Variants in SYN3 observed in about 807,000 individuals in gnomAD.
SYN3 encodes the protein synapsin III, also known as synapsin-3.
In SYN3, 35 loss-of-function variants were observed where a neutral mutation model predicts 65.8. The ratio of observed to expected loss-of-function variants is 0.53; its 90% CI spans 0.41 to 0.70. The LOEUF is 0.70. Among genes scored for constraint, SYN3 ranks in the 30% least tolerant of loss-of-function variants. The probability of loss-of-function intolerance (pLI) is 0.00; values close to 1 mark genes in which losing one functional copy is unlikely to be tolerated. For missense variants in SYN3, 680 were observed against 749.0 expected (o/e 0.91, Z 1.08); for synonymous variants, 270 against 292.9 (o/e 0.92, Z 0.80).
chr22:32,772,944 C>T (rs2045812184), intron 6 of SYN3, among the ~76,000 whole-genome samples: 1 of 152,194 alleles, frequency 6.6e-6, no homozygotes, highest in Admixed American at 6.5e-5. Context: ...TAGTTTGTTA[C>T]AGCAGCCACA....
intron 6 of SYN3, among the ~76,000 whole-genome samples, chr22:32,636,719 C>T (rs985089072): frequency 1.3e-5 from 2 of 152,068 alleles, no homozygotes; most frequent in Non-Finnish European, 2.9e-5. Flanking sequence ...ATCTGAGAGC[C>T]CCAGAAAGAG....
chr22:32,528,797 A>T (rs1010700403), intron 11 of SYN3, 77 bp downstream of exon 11: 1 of 1,587,088 alleles, frequency 6.3e-7, no homozygotes, highest in African/African-American at 1.3e-5. Context: ...TCCCCTTTGG[A>T]TCCAGGGGCT....
intron 4 of SYN3, among the ~76,000 whole-genome samples, chr22:32,879,038 AAAT>A (rs1255234724): frequency 6.6e-6 from 1 of 152,146 alleles, no homozygotes; most frequent in African/African-American, 2.4e-5. Context: ...TGGTTAAAAA[AAAT>A]AAAGGTAACC....
At chr22:32,759,931 C>T (rs1449526423) in intron 6 of SYN3, among the ~76,000 whole-genome samples, 2 of 71,484 alleles carry the variant, frequency 2.8e-5, no homozygotes, top group African/African-American at 1.0e-4. Flanking sequence ...CCCACGCACC[C>T]GCAGCCAGCA....
At chr22:32,569,590 A>ATATATATATAT (rs1569048509) in intron 7 of SYN3, among the ~76,000 whole-genome samples, 75 of 92,568 alleles carry the variant, frequency 8.1e-4, no homozygotes, top group African/African-American at 2.3e-3. Flanking sequence ...TATATATATA[A>ATATATATATAT]AATCTATCTA....
intron 6 of SYN3, among the ~76,000 whole-genome samples, chr22:32,816,172 T>C (rs1021072391): frequency 1.3e-5 from 2 of 151,982 alleles, no homozygotes; most frequent in African/African-American, 4.8e-5. Context: ...GAGGTCAGTG[T>C]ACCAGGTTGG....
intron 6 of SYN3, among the ~76,000 whole-genome samples, chr22:32,658,399 G>A (rs1398779497): frequency 2.0e-5 from 3 of 152,236 alleles, no homozygotes; most frequent in Non-Finnish European, 2.9e-5. Flanking sequence ...GTGAGCTGGT[G>A]TCTGTGAGAG....
At chr22:32,915,377 G>A (rs547017285) in intron 4 of SYN3, among the ~76,000 whole-genome samples, 57 of 152,308 alleles carry the variant, frequency 3.7e-4, no homozygotes, top group South Asian at 8.3e-4. Context: ...CTGCCCTCAA[G>A]GGGCTTATAT....
intron 6 of SYN3, among the ~76,000 whole-genome samples, chr22:32,643,281 T>A (rs1263193156): frequency 2.6e-5 from 4 of 152,104 alleles, no homozygotes. Context: ...GGTTTCACCA[T>A]GTTGGCCAAG....
At chr22:32,594,645 G>A (rs546390072) in intron 7 of SYN3, among the ~76,000 whole-genome samples, 166 of 152,166 alleles carry the variant, frequency 1.1e-3, no homozygotes, top group African/African-American at 3.8e-3. Flanking sequence ...GCGCAACCAC[G>A]CCTGGCTAAT....
chr22:32,586,577 A>C (rs542262169), intron 7 of SYN3, among the ~76,000 whole-genome samples: 3 of 152,172 alleles, frequency 2.0e-5, no homozygotes, highest in Non-Finnish European at 4.4e-5. Flanking sequence ...AAAAATGCAT[A>C]AGTGTGGCAC....
At chr22:32,535,725 C>T (rs1157928221) in intron 9 of SYN3, among the ~76,000 whole-genome samples, 1 of 152,102 alleles carries the variant, frequency 6.6e-6, no homozygotes, top group East Asian at 1.9e-4. Context: ...GCACAGGCAT[C>T]CCAGGGTCTA....
intron 6 of SYN3, among the ~76,000 whole-genome samples, chr22:32,633,291 G>A (rs2059770940): frequency 6.6e-6 from 1 of 152,042 alleles, no homozygotes; most frequent in Non-Finnish European, 1.5e-5. Context: ...CCTGATTTTT[G>A]AGCGGAGCAA....
intron 4 of SYN3, among the ~76,000 whole-genome samples, chr22:32,890,072 CTTTTTTTTTTT>C (rs5845051): frequency 1.7e-5 from 1 of 58,282 alleles, no homozygotes; most frequent in Non-Finnish European, 3.1e-5. Context: ...GATTTAGCTG[CTTTTTTTTTTT>C]TTTTTTTTTT....
chr22:32,616,638 C>G (rs747269215), intron 6 of SYN3, among the ~76,000 whole-genome samples: 1 of 150,232 alleles, frequency 6.7e-6, no homozygotes, highest in Admixed American at 6.6e-5. Flanking sequence ...GATCGCCTCT[C>G]TGGGGGACAC....
intron 7 of SYN3, among the ~76,000 whole-genome samples, chr22:32,596,141 G>T (rs2059195958): frequency 6.6e-6 from 1 of 152,104 alleles, no homozygotes; most frequent in South Asian, 2.1e-4. Context: ...AGGCATGTAA[G>T]ACAGGCCTGC....
intron 3 of SYN3, among the ~76,000 whole-genome samples, chr22:32,963,433 T>C (rs1003306753): frequency 6.6e-6 from 1 of 151,964 alleles, no homozygotes; most frequent in Non-Finnish European, 1.5e-5. Context: ...GAAAACCTAG[T>C]TCTGAACTGA....
At chr22:32,539,098 G>A (rs1391975301) in intron 8 of SYN3, among the ~76,000 whole-genome samples, 1 of 152,156 alleles carries the variant, frequency 6.6e-6, no homozygotes, top group Non-Finnish European at 1.5e-5. Flanking sequence ...TTTGTCTTAC[G>A]GTCAAGGGAA....
chr22:32,787,830 C>T (rs1031091261), intron 6 of SYN3, among the ~76,000 whole-genome samples: 6 of 152,070 alleles, frequency 3.9e-5, no homozygotes, highest in Non-Finnish European at 8.8e-5. Flanking sequence ...AAGGTAATAT[C>T]TGAGCTGGAA....
Sources: gnomAD v4.1 joint callset for allele counts (sites outside exome capture counted in the v4.1 genomes callset) on GRCh38, gnomAD v4.1.1 for gene constraint, MANE v1.5 for transcripts, NCBI Gene and HGNC (gene_info 2026-07-23, HGNC 2026-07-21) for gene names.